The following TTC39C variants were observed in gnomAD, a reference collection of about 807,000 sequenced individuals.
TTC39C encodes tetratricopeptide repeat domain 39C, also known as tetratricopeptide repeat protein 39C.
Under a neutral mutation model 76.3 loss-of-function variants are expected in TTC39C, and 33 were observed. The observed-to-expected ratio is 0.43, with a 90% CI of 0.33 to 0.58. The LOEUF is 0.58. TTC39C is among the 20% of genes least tolerant of loss of function. The pLI is 0.04. For synonymous variants in TTC39C, 254 were observed against 260.6 expected, an observed-to-expected ratio of 0.97 and a Z score of 0.24; for missense variants, 595 against 701.4, an observed-to-expected ratio of 0.85 and a Z score of 1.71.
In TTC39C at chr18:24,111,906, A is replaced by AAT. The variant is rs142453100; in HGVS notation, c.985-2631_985-2630dup. On this transcript the variant is annotated intron_variant, in intron 6 of 13. Transcript: ENST00000317571. ...GACAGAGCAAGACCCTATCTTTAAA[A>AAT]ATATATATATATATATATTTTTTTT... is the stretch of plus-strand genomic sequence containing the variant. 1.2e-3 allele frequency among the ~76,000 whole-genome samples: 28 copies of AAT among 23,858 alleles called. 1 individual carries two copies. In the South Asian group the frequency reaches 0.028, roughly 24 times the overall value. 15.7% of individuals were successfully genotyped at this position (23,858 alleles called of 152,430 possible).
chr18:24,060,313 GTTTTTTTT>G (rs1294806136), intron 1 of TTC39C, among the ~76,000 whole-genome samples: 322 of 89,270 alleles, frequency 3.6e-3, no homozygotes, highest in African/African-American at 0.013. Context: ...TTGCGTTTCT[GTTTTTTTT>G]TTTTTTTTTT....
chr18:24,064,465 C>T (rs1398230771), intron 2 of TTC39C, among the ~76,000 whole-genome samples: 2 of 152,120 alleles, frequency 1.3e-5, no homozygotes, highest in Non-Finnish European at 2.9e-5. Flanking sequence ...ATAATTAAAA[C>T]TGCATTCGAG....
chr18:24,038,775 T>C (rs1458136368), intron 1 of TTC39C, among the ~76,000 whole-genome samples: 1 of 152,166 alleles, frequency 6.6e-6, no homozygotes, highest in Non-Finnish European at 1.5e-5. Context: ...TGGTGAGGGC[T>C]GTCTCTCTTC....
At chr18:24,076,311 C>T (rs1324910277) in intron 4 of TTC39C, among the ~76,000 whole-genome samples, 1 of 152,176 alleles carries the variant, frequency 6.6e-6, no homozygotes, top group Non-Finnish European at 1.5e-5. Context: ...TCTCCACCTC[C>T]CTCCACAGAC....
At chr18:24,092,338 G>A (rs1016052613) in intron 6 of TTC39C, among the ~76,000 whole-genome samples, 19 of 151,956 alleles carry the variant, frequency 1.3e-4, no homozygotes, top group African/African-American at 4.3e-4. Context: ...GAAATGGTGT[G>A]GCTGCTCTGG....
intron 12 of TTC39C, among the ~76,000 whole-genome samples, chr18:24,130,654 A>G (rs1203111464): frequency 6.6e-6 from 1 of 152,126 alleles, no homozygotes; most frequent in African/African-American, 2.4e-5. Flanking sequence ...TCTTAATGAC[A>G]TGCTGAGAAA....
At chr18:24,075,149 G>A (rs966814797) in intron 4 of TTC39C, among the ~76,000 whole-genome samples, 4 of 151,852 alleles carry the variant, frequency 2.6e-5, no homozygotes, top group African/African-American at 4.8e-5. Flanking sequence ...GGGGCCTGTC[G>A]TGGGGTGGGG....
chr18:24,082,091 C>G (rs958146009), intron 5 of TTC39C, among the ~76,000 whole-genome samples: 5 of 146,676 alleles, frequency 3.4e-5, no homozygotes, highest in Non-Finnish European at 7.4e-5. Flanking sequence ...GATCTCGGCT[C>G]ACTGCAACCT....
intron 1 of TTC39C, among the ~76,000 whole-genome samples, chr18:24,027,593 T>C (rs1338335893): frequency 6.7e-6 from 1 of 150,296 alleles, no homozygotes; most frequent in Non-Finnish European, 1.5e-5. Context: ...AGGGCCTCGC[T>C]CTGTCAACCA....
chr18:24,035,568 A>G (rs185946355), intron 1 of TTC39C, among the ~76,000 whole-genome samples: 2 of 152,262 alleles, frequency 1.3e-5, no homozygotes, highest in African/African-American at 4.8e-5. Flanking sequence ...GGTCATTTGT[A>G]TATATTCTTT....
chr18:24,006,648 T>G (rs943221451), intron 1 of TTC39C, among the ~76,000 whole-genome samples: 3 of 152,076 alleles, frequency 2.0e-5, no homozygotes, highest in African/African-American at 7.2e-5. Flanking sequence ...AGACAGGCGA[T>G]CTACTGTGGC....
intron 8 of TTC39C, among the ~76,000 whole-genome samples, chr18:24,119,858 T>C (rs2084942484): frequency 6.6e-6 from 1 of 152,044 alleles, no homozygotes; most frequent in South Asian, 2.1e-4. Context: ...AGCCATTAGG[T>C]GTAATTGGGC....
intron 6 of TTC39C, among the ~76,000 whole-genome samples, chr18:24,112,996 G>A (rs2084835350): frequency 6.6e-6 from 1 of 151,956 alleles, no homozygotes; most frequent in Admixed American, 6.6e-5. Flanking sequence ...TTTGAGCTGT[G>A]TGCTAACAGT....
chr18:24,086,343 C>T (rs1413518342), intron 6 of TTC39C, among the ~76,000 whole-genome samples: 1 of 152,122 alleles, frequency 6.6e-6, no homozygotes, highest in Non-Finnish European at 1.5e-5. Context: ...AATCTGTGCC[C>T]GTCAGTGTTC....
At chr18:24,039,214 G>C (rs1435602697) in intron 1 of TTC39C, among the ~76,000 whole-genome samples, 1 of 152,194 alleles carries the variant, frequency 6.6e-6, no homozygotes, top group Admixed American at 6.5e-5. Context: ...ACTTAGCAGA[G>C]CCAGGACTTG....
Position 24,109,488 on chromosome 18 carries a change from T to C in TTC39C, c.985-5066T>C, listed in dbSNP as rs534992730. On this transcript the variant is annotated intron_variant, in intron 6 of 13. Coordinates refer to ENST00000317571, the MANE Select transcript of TTC39C (RefSeq NM_001135993.2). ...ATTGTCTAAAGTCTAATATTCTTTG[T>C]TACACTGTGTGGCCATTAAGAAAAA... Among the ~76,000 whole-genome samples, 23 of 152,338 alleles carry C rather than the reference T, an allele frequency of 1.5e-4. 1 individual carries two copies. The South Asian group carries it at 4.6e-3, about 30-fold the overall frequency.
upstream of TTC39C, among the ~76,000 whole-genome samples, chr18:24,011,468 C>G (rs991172917): frequency 3.9e-5 from 6 of 152,156 alleles, no homozygotes; most frequent in South Asian, 1.2e-3. Context: ...GAGAATAGAG[C>G]CAATAAACAC....
rs2083429729 is a variant in TTC39C, at chr18:24,014,809, C to T, written c.-63C>T. 4 of 1,199,728 alleles carry T rather than the reference C, an allele frequency of 3.3e-6. No homozygotes were observed. The allele number at this position is 1,199,728 out of a possible 1,614,324, so 74.3% of individuals were successfully genotyped here. On this transcript the variant is annotated 5_prime_UTR_variant, in exon 1 of 14. Coordinates refer to ENST00000317571, the MANE Select transcript of TTC39C (RefSeq NM_001135993.2). ...GGCAGGTAGAGCCGGGCTCCGGGCG[C>T]GCGCGGGGCCGCAGCAGCTGCTCCC...
At chr18:24,013,207 C>G (rs1416324031), upstream of TTC39C, among the ~76,000 whole-genome samples, 1 of 152,204 alleles carries the variant, frequency 6.6e-6, no homozygotes, top group Admixed American at 6.5e-5. Flanking sequence ...TCCTGCATTA[C>G]AACGTACTGT....
Sources: gnomAD v4.1 joint callset for allele counts (sites outside exome capture counted in the v4.1 genomes callset) on GRCh38, gnomAD v4.1.1 for gene constraint, MANE v1.5 for transcripts, NCBI Gene and HGNC (gene_info 2026-07-23, HGNC 2026-07-21) for gene names.